Variants in RSU1 observed in about 807,000 individuals in gnomAD.
RSU1 encodes Ras suppressor protein 1, also known as rsu-1.
A neutral mutation model predicts 31.1 loss-of-function variants in RSU1; 26 were observed. The ratio of observed to expected loss-of-function variants is 0.84; its 90% CI spans 0.61 to 1.16. The LOEUF is 1.16. Among genes scored for constraint, RSU1 ranks in the 50% most tolerant of loss-of-function variants. The pLI is 0.00. For synonymous variants in RSU1, 164 were observed against 136.3 expected, an observed-to-expected ratio of 1.20 and a Z score of -1.41; for missense variants, 320 against 339.1, an observed-to-expected ratio of 0.94 and a Z score of 0.44.
intron 2 of RSU1, among the ~76,000 whole-genome samples, chr10:16,800,412 TAG>T (rs1222108803): frequency 3.9e-5 from 6 of 152,184 alleles, no homozygotes. Flanking sequence ...AAGGAAATGC[TAG>T]AGTTCACAAA....
At chr10:16,698,267 T>G (rs534662937) in intron 7 of RSU1, among the ~76,000 whole-genome samples, 5 of 152,064 alleles carry the variant, frequency 3.3e-5, no homozygotes, top group African/African-American at 1.2e-4. Flanking sequence ...TTCCGCCGAG[T>G]CCCAAGCCTT....
At chr10:16,705,549 G>A (rs968137030) in intron 7 of RSU1, among the ~76,000 whole-genome samples, 1 of 151,958 alleles carries the variant, frequency 6.6e-6, no homozygotes, top group Non-Finnish European at 1.5e-5. Flanking sequence ...GAGTGCAGAG[G>A]CGTGATCTCA....
At chr10:16,677,970 C>A (rs1006435656) in intron 8 of RSU1, among the ~76,000 whole-genome samples, 9 of 144,636 alleles carry the variant, frequency 6.2e-5, no homozygotes, top group African/African-American at 2.2e-4. Context: ...TAGTTGACAG[C>A]TTAAAAAAAT....
intron 2 of RSU1, among the ~76,000 whole-genome samples, chr10:16,789,543 C>T (rs1297389131): frequency 6.6e-6 from 1 of 152,126 alleles, no homozygotes; most frequent in Non-Finnish European, 1.5e-5. Context: ...GGTGAGTTCA[C>T]TGTGAGTCTT....
At chr10:16,635,410 C>A (rs1343606205) in intron 8 of RSU1, among the ~76,000 whole-genome samples, 1 of 152,184 alleles carries the variant, frequency 6.6e-6, no homozygotes, top group Non-Finnish European at 1.5e-5. Context: ...AGCTGATAAC[C>A]CTGCTTCGTA....
chr10:16,620,352 T>C (rs963064517), intron 8 of RSU1, among the ~76,000 whole-genome samples: 6 of 151,962 alleles, frequency 3.9e-5, no homozygotes, highest in African/African-American at 1.5e-4. Flanking sequence ...CACATCTACA[T>C]ATAAGCAAAA....
intron 8 of RSU1, among the ~76,000 whole-genome samples, chr10:16,661,110 T>C (rs1226232367): frequency 6.6e-6 from 1 of 152,226 alleles, no homozygotes; most frequent in African/African-American, 2.4e-5. Flanking sequence ...TTTCTCTATA[T>C]AGCTCACATG....
intron 2 of RSU1, among the ~76,000 whole-genome samples, chr10:16,786,069 T>C (rs975198119): frequency 6.6e-6 from 1 of 152,142 alleles, no homozygotes; most frequent in Non-Finnish European, 1.5e-5. Context: ...ACTGGCATTC[T>C]CTGTCTGCTG....
At chr10:16,691,804 T>C (rs1348437390) in intron 8 of RSU1, among the ~76,000 whole-genome samples, 1 of 145,902 alleles carries the variant, frequency 6.9e-6, no homozygotes, top group African/African-American at 2.5e-5. Flanking sequence ...GCGCCATCTA[T>C]CTCAACTCAC....
intron 8 of RSU1, among the ~76,000 whole-genome samples, chr10:16,637,022 A>G (rs1014308382): frequency 1.3e-5 from 2 of 152,258 alleles, no homozygotes; most frequent in African/African-American, 4.8e-5. Flanking sequence ...AAATGAATGA[A>G]TAATAAAAAA....
At chr10:16,758,620 AG>A (rs904655624) in intron 4 of RSU1, among the ~76,000 whole-genome samples, 1 of 152,224 alleles carries the variant, frequency 6.6e-6, no homozygotes, top group African/African-American at 2.4e-5. Flanking sequence ...CAACACCTTC[AG>A]GGCAGGATCA....
At chr10:16,615,321 C>G (rs1407525070) in intron 8 of RSU1, among the ~76,000 whole-genome samples, 2 of 151,946 alleles carry the variant, frequency 1.3e-5, no homozygotes, top group African/African-American at 4.8e-5. Flanking sequence ...ATCAATGCAA[C>G]AAGAAGAGCA....
chr10:16,808,501 A>C (rs1442797920), intron 2 of RSU1, among the ~76,000 whole-genome samples: 7 of 150,846 alleles, frequency 4.6e-5, no homozygotes, highest in African/African-American at 1.5e-4. Context: ...AAAAAAAAAA[A>C]AAAAACAAAG....
chr10:16,651,566 G>A (rs1336688831), intron 8 of RSU1, among the ~76,000 whole-genome samples: 1 of 152,198 alleles, frequency 6.6e-6, no homozygotes. Context: ...AATAGTGACA[G>A]TTTCTTTTGC....
Position 16,755,009 on chromosome 10 carries a change from A to C in RSU1, c.282-20T>G, listed in dbSNP as rs374892707. 2.0e-6 allele frequency: 3 copies of C among 1,493,312 alleles called. No homozygotes were observed. The highest frequency in any genetic ancestry group is 1.4e-5 in the African/African-American group (1 of 71,790). 92.5% of individuals were successfully genotyped at this position (1,493,312 alleles called of 1,614,324 possible). The stretch of plus-strand genomic sequence containing the variant: ...TTCATGCTGTTGCAGGGGGACAAAA[A>C]TCTATGTCATGACACCAAAGACACA... On this transcript the variant is annotated intron_variant, in intron 4 of 8. Coordinates refer to ENST00000345264, the MANE Select transcript of RSU1 (RefSeq NM_012425.4).
chr10:16,780,448 GC>G (rs1439210902), intron 3 of RSU1, among the ~76,000 whole-genome samples: 3 of 152,080 alleles, frequency 2.0e-5, no homozygotes, highest in African/African-American at 7.2e-5. Flanking sequence ...TCAGTATGCT[GC>G]CTTGGCTGGT....
rs373104238 is a variant in RSU1 at position 16,695,157 on chromosome 10, T to TGCG, written c.599-3_599-2insCGC. The TGCG allele has an allele frequency of 2.7e-5, 32 of 1,204,650 alleles. No homozygotes were observed. Among genetic ancestry groups the TGCG allele is most frequent in the African/African-American group, 1.2e-4 (7 of 60,206 alleles). 74.6% of individuals were successfully genotyped at this position (1,204,650 alleles called of 1,614,324 possible). On this transcript the variant is annotated splice_polypyrimidine_tract_variant and splice_region_variant and intron_variant, in intron 7 of 8. Transcript: ENST00000345264. ...TCTGGCCAGTTAAATCCAAGTTTCCTGGGGGGGGGGAAAAAAAAAGTGAAG... is the reference window on the plus strand; with the variant it reads ...TCTGGCCAGTTAAATCCAAGTTTCCTGCGGGGGGGGGGGAAAAAAAAAGTGAAG...
intron 8 of RSU1, among the ~76,000 whole-genome samples, chr10:16,607,987 C>T (rs1035993261): frequency 2.6e-5 from 4 of 152,202 alleles, no homozygotes; most frequent in Non-Finnish European, 5.9e-5. Context: ...CATACCACCA[C>T]ACCCGGCTCA....
intron 7 of RSU1, among the ~76,000 whole-genome samples, chr10:16,724,628 A>G (rs1836346936): frequency 6.6e-6 from 1 of 152,194 alleles, no homozygotes; most frequent in Non-Finnish European, 1.5e-5. Context: ...CAGAAGGGGG[A>G]ATCACGAACA....
Sources: gnomAD v4.1 joint callset for allele counts (sites outside exome capture counted in the v4.1 genomes callset) on GRCh38, gnomAD v4.1.1 for gene constraint, MANE v1.5 for transcripts, NCBI Gene and HGNC (gene_info 2026-07-23, HGNC 2026-07-21) for gene names.